C12orf42: variants seen among roughly 807,000 people sequenced by gnomAD.
C12orf42 encodes uncharacterized protein C12orf42.
C12orf42 carries 25 observed loss-of-function variants against 21.6 expected under a neutral mutation model. That is an observed-to-expected ratio of 1.16 (90% CI 0.84 to 1.62). The LOEUF (loss-of-function observed/expected upper bound fraction) is 1.62, where lower values mean the gene tolerates loss of function less well. Ranked by LOEUF, C12orf42 falls within the 40% of genes most tolerant of loss-of-function variation. The pLI is 0.00. For synonymous variants in C12orf42, 174 were observed against 175.0 expected, an observed-to-expected ratio of 0.99 and a Z score of 0.05; for missense variants, 483 against 459.3, an observed-to-expected ratio of 1.05 and a Z score of -0.47.
At chr12:103,064,225 C>G in the C12orf42 span, among the ~76,000 whole-genome samples, 1 of 152,164 alleles carries the variant, frequency 6.6e-6, no homozygotes, top group Non-Finnish European at 1.5e-5. Context: ...TGTAATTGCT[C>G]TTCTCTGTAT....
intron 2 of C12orf42, chr12:103,456,210 G>A (rs1952282623): frequency 6.6e-6 from 1 of 152,116 alleles, no homozygotes; most frequent in Non-Finnish European, 1.5e-5. Flanking sequence ...TCATTCTGTG[G>A]TGGGAGGGAC....
At chr12:103,302,979 A>G (rs1315535621) in intron 5 of C12orf42, among the ~76,000 whole-genome samples, 1 of 152,204 alleles carries the variant, frequency 6.6e-6, no homozygotes, top group Non-Finnish European at 1.5e-5. Context: ...ATGTAAAAGC[A>G]AATGTGTCTA....
Position 103,325,890 on chromosome 12 carries a change from C to T in C12orf42, c.260-19545G>A, listed in dbSNP as rs2040636521. Among the ~76,000 whole-genome samples the T allele has an allele frequency of 3.9e-5, 6 of 152,080 alleles. No homozygotes were observed. The South Asian group carries it at 8.3e-4, about 21-fold the overall frequency. On this transcript the variant is annotated intron_variant, in intron 4 of 5. Coordinates refer to ENST00000548883, the MANE Select transcript of C12orf42 (RefSeq NM_198521.5). ...AGAATGAGCATGCTTCCTGTGACAACTTAAAGCATGGAGAATGAGCATCAG... is the reference window on the plus strand; with the variant it reads ...AGAATGAGCATGCTTCCTGTGACAATTTAAAGCATGGAGAATGAGCATCAG...
downstream of C12orf42, among the ~76,000 whole-genome samples, chr12:103,301,479 G>T (rs573589208): frequency 3.9e-5 from 6 of 152,246 alleles, no homozygotes; most frequent in South Asian, 8.3e-4. Flanking sequence ...TTGATAAAAG[G>T]TTCCCTAAGC....
In C12orf42 at chr12:103,306,186, G is replaced by A. The variant is rs1489665475; in HGVS notation, c.419C>T (p.Ala140Val). The stretch of plus-strand genomic sequence containing the variant: ...TCCTCTGGCAGTAAAAATCAATGGG[G>A]CCTCATCAGTTTCACTGGATGGTGC... ...SPAPSSETDE[A>V]PLIFTARGET... is the part of the protein sequence containing the mutation. The change falls in exon 5 of 6, where the codon GCC becomes GTC. Residue 140 changes from alanine (A) to valine (V), a missense_variant. Ala to Val is a moderately conservative substitution (Grantham distance 64, BLOSUM62 0). Transcript: ENST00000548883. The A allele has an allele frequency of 1.5e-5, 25 of 1,613,884 alleles. No homozygotes were observed. Among genetic ancestry groups the A allele is most frequent in the Non-Finnish European group, 2.1e-5 (25 of 1,179,850 alleles).
the C12orf42 span, among the ~76,000 whole-genome samples, chr12:103,527,658 G>A: frequency 2.0e-5 from 3 of 152,038 alleles, no homozygotes; most frequent in Non-Finnish European, 1.5e-5. Flanking sequence ...TGCAGATGTC[G>A]CTGAAGGGAC....
chr12:103,384,268 G>T lies in C12orf42; in HGVS notation c.148-15270C>A, dbSNP rs570526914. Among the ~76,000 whole-genome samples, 11 of 152,128 alleles carry T rather than the reference G, an allele frequency of 7.2e-5. No individual in the cohort carries two copies. In the South Asian group the frequency reaches 2.3e-3, roughly 32 times the overall value. On this transcript the variant is annotated intron_variant, in intron 3 of 5. Coordinates refer to ENST00000548883, the MANE Select transcript of C12orf42 (RefSeq NM_198521.5). ...CTAAGCGACATTCAAAAAAAAAGTG[G>T]GGGGTGCTCCTGACCCTAGGAGAAA...
chr12:103,301,026 G>C (rs1445289596), downstream of C12orf42, among the ~76,000 whole-genome samples: 1 of 152,128 alleles, frequency 6.6e-6, no homozygotes, highest in Non-Finnish European at 1.5e-5. Flanking sequence ...AAAGTAAACA[G>C]TCTTCAGTCT....
chr12:103,270,015 A>C (rs2136253873), intron 5 of C12orf42: 1 of 152,288 alleles, frequency 6.6e-6, no homozygotes, highest in Non-Finnish European at 1.5e-5. Flanking sequence ...AATGAGTCTC[A>C]GAGTTTATAC....
chr12:103,443,091 CTA>C (rs1951357316), intron 2 of C12orf42, among the ~76,000 whole-genome samples: 1 of 152,068 alleles, frequency 6.6e-6, no homozygotes, highest in Non-Finnish European at 1.5e-5. Flanking sequence ...CTAGTAACTT[CTA>C]TATATTAGAA....
chr12:103,065,365 G>A, the C12orf42 span, among the ~76,000 whole-genome samples: 15 of 152,306 alleles, frequency 9.8e-5, no homozygotes, highest in African/African-American at 3.4e-4. Flanking sequence ...CCATTGACTT[G>A]GGGAATATCT....
chr12:103,056,499 A>C, the C12orf42 span, among the ~76,000 whole-genome samples: 1 of 152,136 alleles, frequency 6.6e-6, no homozygotes, highest in Non-Finnish European at 1.5e-5. Flanking sequence ...ACAAATTCTG[A>C]AAGTTCTCAG....
In C12orf42 at chr12:103,443,090, T is replaced by C. The variant is rs563364737; in HGVS notation, c.78+35259A>G. Among the ~76,000 whole-genome samples, 212 of 152,250 alleles carry C rather than the reference T, an allele frequency of 1.4e-3. 2 individuals are homozygous for C. The highest frequency in any genetic ancestry group is 1.4e-3 in the Non-Finnish European group (92 of 68,026). On this transcript the variant is annotated intron_variant, in intron 2 of 5. Transcript: ENST00000548883. ...GTAAGGAGGTGCATGGCTAGTAACT[T>C]CTATATATTAGAATAAACTGAAATC...
chr12:103,218,279 C>CAA, the C12orf42 span, among the ~76,000 whole-genome samples: 4,789 of 93,034 alleles, frequency 0.051, 291 homozygotes, highest in East Asian at 0.31. Context: ...AACTCCGCTT[C>CAA]AAAAAAAAAA....
At chr12:103,252,495 G>A (rs2034358186) in intron 10 of C12orf42, among the ~76,000 whole-genome samples, 1 of 152,200 alleles carries the variant, frequency 6.6e-6, no homozygotes. Context: ...TCTAACTGGT[G>A]TGAGATGGTA....
the C12orf42 span, among the ~76,000 whole-genome samples, chr12:103,215,336 T>G: frequency 6.6e-6 from 1 of 151,648 alleles, no homozygotes. Flanking sequence ...ATATATATAC[T>G]AATACAAGTA....
At chr12:103,219,132 T>C in the C12orf42 span, among the ~76,000 whole-genome samples, 2 of 152,218 alleles carry the variant, frequency 1.3e-5, no homozygotes, top group Non-Finnish European at 2.9e-5. Flanking sequence ...TGGATCCCAC[T>C]CCCATGGAGG....
intron 2 of C12orf42, among the ~76,000 whole-genome samples, chr12:103,458,149 T>C (rs1415577289): frequency 6.6e-6 from 1 of 152,180 alleles, no homozygotes. Context: ...ATAACCACTT[T>C]TGGAAATGTA....
At chr12:103,442,987 G>A (rs1951351054) in intron 2 of C12orf42, among the ~76,000 whole-genome samples, 1 of 152,066 alleles carries the variant, frequency 6.6e-6, no homozygotes, top group Admixed American at 6.6e-5. Flanking sequence ...GGTGCTCTAA[G>A]CAGCTTACAG....
Sources: gnomAD v4.1 joint callset for allele counts (sites outside exome capture counted in the v4.1 genomes callset) on GRCh38, gnomAD v4.1.1 for gene constraint, MANE v1.5 for transcripts, NCBI Gene and HGNC (gene_info 2026-07-23, HGNC 2026-07-21) for gene names.